Variants in PLIN4 observed in about 807,000 individuals in gnomAD.
PLIN4 encodes the protein perilipin 4.
In PLIN4, 57 loss-of-function variants were observed where a neutral mutation model predicts 52.4. The ratio of observed to expected loss-of-function variants is 1.09; its 90% CI spans 0.88 to 1.36. The LOEUF is 1.36. Among genes scored for constraint, PLIN4 ranks in the 40% most tolerant of loss-of-function variants. The pLI is 0.00. For missense variants in PLIN4, 1,757 were observed against 1,770.3 expected (o/e 0.99, Z 0.13); for synonymous variants, 826 against 785.4 (o/e 1.05, Z -0.86).
chr19:4,509,053 T>C (rs1976194628), intron 5 of PLIN4, 98 bp from the exon 6 acceptor site: 4 of 1,204,742 alleles, frequency 3.3e-6, no homozygotes, highest in African/African-American at 1.5e-5. Context: ...TTCCCGCCTG[T>C]GATCCCAGCA....
Position 4,504,107 on chromosome 19 carries a change from G to A in PLIN4, c.*352C>T, listed in dbSNP as rs1398677293. The A allele has an allele frequency of 1.3e-5, 3 of 229,424 alleles. No individual in the cohort carries two copies. Among genetic ancestry groups the A allele is most frequent in the African/African-American group, 4.5e-5 (2 of 44,110 alleles). The allele number at this position is 229,424 out of a possible 1,614,324, so 14.2% of individuals were successfully genotyped here. On this transcript the variant is annotated 3_prime_UTR_variant, in exon 8 of 8. Coordinates refer to ENST00000301286, the MANE Select transcript of PLIN4 (RefSeq NM_001367868.2). ...AAAAGGGTTGCTAGCGGGGCAAACA[G>A]ATGCCCTTCCAGGCTGGGCACGCTG... is the stretch of plus-strand genomic sequence containing the variant.
In PLIN4 at chr19:4,511,712, C is replaced by T. The variant is rs1347051713; in HGVS notation, c.2248G>A (p.Gly750Arg). ...AANVAKGAIQGGLDTTKSVLT... is the reference protein window; with the variant it reads ...AANVAKGAIQRGLDTTKSVLT... The stretch of plus-strand genomic sequence containing the variant: ...ACAGACTTTGTAGTGTCCAGGCCCC[C>T]TTGGATGGCCCCTTTGGCCACATTC... Residue 750 changes from glycine to arginine, a missense_variant, in exon 5 of 8, where the codon GGG becomes AGG. Physicochemically the swap from Gly to Arg is moderately radical, Grantham distance 125 (BLOSUM62 -2). Transcript: ENST00000301286. The T allele has an allele frequency of 2.2e-4, 112 of 501,304 alleles. 17 individuals are homozygous for T. The highest frequency in any genetic ancestry group is 9.2e-4 in the East Asian group (12 of 13,056). The allele number at this position is 501,304 out of a possible 1,614,324, so 31.1% of individuals were successfully genotyped here. A position where few individuals can be genotyped will look rare whatever the true frequency, so the allele number is the denominator to read the frequency against.
chr19:4,516,190 G>A (rs1976577235), intron 4 of PLIN4, among the ~76,000 whole-genome samples: 1 of 152,226 alleles, frequency 6.6e-6, no homozygotes, highest in Non-Finnish European at 1.5e-5. Flanking sequence ...TGAGGCAGGA[G>A]AATCGCTTGA....
chr19:4,516,542 G>A, intron 4 of PLIN4, 75 bp downstream of exon 4: 1 of 1,500,514 alleles, frequency 6.7e-7, no homozygotes, highest in Non-Finnish European at 9.0e-7. Flanking sequence ...CCAGATAGCA[G>A]GAACTGAAAT....
chr19:4,508,151 T>G (rs1310129735), intron 6 of PLIN4, among the ~76,000 whole-genome samples: 1 of 152,162 alleles, frequency 6.6e-6, no homozygotes, highest in East Asian at 1.9e-4. Context: ...TTGGGGGCTT[T>G]GCAGAGCTGT....
intron 4 of PLIN4, 78 bp downstream of exon 4, chr19:4,516,539 G>A: frequency 2.7e-6 from 4 of 1,490,640 alleles, no homozygotes; most frequent in Non-Finnish European, 3.6e-6. Flanking sequence ...CCCCCAGATA[G>A]CAGGAACTGA....
At chr19:4,516,382 T>C (rs1018484161) in intron 4 of PLIN4, among the ~76,000 whole-genome samples, 13 of 151,118 alleles carry the variant, frequency 8.6e-5, no homozygotes, top group Middle Eastern at 3.5e-3. Context: ...GTGATTAGAG[T>C]GGGGTAGCAC....
At chr19:4,507,674 G>C (rs1256430595) in intron 6 of PLIN4, among the ~76,000 whole-genome samples, 1 of 152,158 alleles carries the variant, frequency 6.6e-6, no homozygotes, top group Admixed American at 6.5e-5. Context: ...GGGTGGCAGA[G>C]CAAGACCCTG....
At position 4,518,228 on chromosome 19, in the gene PLIN4, C is replaced by T; in HGVS notation, c.45G>A (p.Lys15=). ...DEGRRDPPKP[K]GKTLGSFFGS... The stretch of plus-strand genomic sequence containing the variant: ...CCCCATTTCCCCTCTTTACCTTGCC[C>T]TTCGGTTTGGGGGGATCCCGTCTCC... Residue 15 remains lysine (K), a synonymous_variant, in exon 2 of 8, where the codon AAG becomes AAA. Transcript: ENST00000301286. The T allele has an allele frequency of 8.1e-7, 1 of 1,233,194 alleles. No individual in the cohort carries two copies. 76.4% of individuals were successfully genotyped at this position (1,233,194 alleles called of 1,614,324 possible).
chr19:4,510,122 C>CT (rs1397116654), intron 5 of PLIN4, among the ~76,000 whole-genome samples: 5 of 152,166 alleles, frequency 3.3e-5, no homozygotes, highest in African/African-American at 1.2e-4. Context: ...AATCTCAGCA[C>CT]TTGGGAAGCT....
In PLIN4 at chr19:4,511,930, A is replaced by T; in HGVS notation, c.2030T>A (p.Val677Glu). The T allele has an allele frequency of 6.3e-7, 1 of 1,597,820 alleles. No individual in the cohort carries two copies. The highest frequency in any genetic ancestry group is 8.6e-7 in the Non-Finnish European group (1 of 1,169,192). The change falls in exon 5 of 8, where the codon GTG becomes GAG. Residue 677 changes from valine to glutamate, a missense_variant. Val to Glu is a moderately radical substitution (Grantham distance 121, BLOSUM62 -2). Transcript: ENST00000301286. ...FGSGVTSAVN[V>E]AKGAAQTGVD... is the part of the protein sequence containing the mutation. ...ACCTGTCTGGGCAGCCCCTTTGGCC[A>T]CATTCACAGCACTGGTCACCCCACT...
At chr19:4,508,108 G>A (rs556386804) in intron 6 of PLIN4, among the ~76,000 whole-genome samples, 1 of 152,128 alleles carries the variant, frequency 6.6e-6, no homozygotes, top group South Asian at 2.1e-4. Context: ...CACCCAGCTT[G>A]CTCCCCGGTA....
chr19:4,509,032 G>GGGCGC (rs1976193133), intron 5 of PLIN4, 77 bp from the exon 6 acceptor site: 1 of 1,400,306 alleles, frequency 7.1e-7, no homozygotes, highest in Non-Finnish European at 9.5e-7. Flanking sequence ...AGTGAGGGCC[G>GGGCGC]GGCGCGGCGG....
At chr19:4,509,414 C>T (rs563224703) in intron 5 of PLIN4, among the ~76,000 whole-genome samples, 17 of 150,420 alleles carry the variant, frequency 1.1e-4, no homozygotes, top group Admixed American at 9.4e-4. Flanking sequence ...ATCAGGAGCT[C>T]GAGACCAGCC....
At position 4,516,657 on chromosome 19, in the gene PLIN4, G is replaced by A. The variant is rs759809260; in HGVS notation, c.218C>T (p.Thr73Met). 13 of 1,600,990 alleles carry A rather than the reference G, an allele frequency of 8.1e-6. No homozygotes were observed. The highest frequency in any genetic ancestry group is 3.4e-5 in the Admixed American group (2 of 58,404). Residue 73 changes from threonine (T) to methionine (M), a missense_variant, in exon 4 of 8, where the codon ACG becomes ATG. Thr to Met is a moderately conservative substitution (Grantham distance 81, BLOSUM62 -1). This residue lies in a region of PLIN4 where 332 missense variants were observed against 310.8 expected (regional missense o/e 1.07). Transcript: ENST00000301286. The stretch of plus-strand genomic sequence containing the variant: ...CAGCTCCTTCTCCGTCCATGGGGCC[G>A]TCTGCTCTGGGTGGGCAGCCACTGT... ...QAQVAAHPEQ[T>M]APWTEKELQP...
rs1309331384 is a variant in PLIN4 at position 4,504,431 on chromosome 19, C to T, written c.*28G>A. The T allele has an allele frequency of 6.6e-7, 1 of 1,505,436 alleles. No homozygotes were observed. Among genetic ancestry groups the T allele is most frequent in the South Asian group, 1.3e-5 (1 of 78,344 alleles). 93.3% of individuals were successfully genotyped at this position (1,505,436 alleles called of 1,614,324 possible). A position where few individuals can be genotyped will look rare whatever the true frequency, so the allele number is the denominator to read the frequency against. On this transcript the variant is annotated 3_prime_UTR_variant, in exon 8 of 8. Coordinates refer to ENST00000301286, the MANE Select transcript of PLIN4 (RefSeq NM_001367868.2). ...TCCTCCCTGGACAGAGCAGGGCGACCCCGCGCCGGGCCTGCAGGCTCCTAC... is the reference window on the plus strand; with the variant it reads ...TCCTCCCTGGACAGAGCAGGGCGACTCCGCGCCGGGCCTGCAGGCTCCTAC...
intron 5 of PLIN4, among the ~76,000 whole-genome samples, chr19:4,509,267 A>C (rs4991028): frequency 0.15 from 19,481 of 131,560 alleles, 1,599 homozygotes; most frequent in Middle Eastern, 0.27. Flanking sequence ...GCCGAGATGG[A>C]GCCACTGCAC....
Position 4,512,672 on chromosome 19 carries a change from T to G in PLIN4, c.1288A>C (p.Thr430Pro), listed in dbSNP as rs73920830. The G allele has an allele frequency of 7.1e-6, 11 of 1,555,744 alleles. 1 individual carries two copies. Among genetic ancestry groups the G allele is most frequent in the Non-Finnish European group, 9.5e-6 (11 of 1,156,782 alleles). Reference sequence around the variant, plus strand: ...CTGCAGACGGTGTCCTTTGTACCTGTTGCGATATTTTGGGTTGTGTTCAGC... The same window carrying G: ...CTGCAGACGGTGTCCTTTGTACCTGGTGCGATATTTTGGGTTGTGTTCAGC... ...TGLNTTQNIA[T>P]GTKDTVCSGV... Residue 430 changes from threonine (T) to proline (P), a missense_variant, in exon 5 of 8, where the codon ACA (threonine) becomes CCA (proline). Coordinates refer to ENST00000301286, the MANE Select transcript of PLIN4 (RefSeq NM_001367868.2).
Position 4,513,551 on chromosome 19 carries a change from C to T in PLIN4, c.409G>A (p.Glu137Lys). ...CCTGTGACCCCGCTGGACACCACCTCCTTGGTGCCCGTAAGTGCAGACCGA... is the reference window on the plus strand; with the variant it reads ...CCTGTGACCCCGCTGGACACCACCTTCTTGGTGCCCGTAAGTGCAGACCGA... ...TTRSALTGTK[E>K]VVSSGVTGAM... Residue 137 changes from glutamate (E) to lysine (K), a missense_variant, in exon 5 of 8, where the codon GAG becomes AAG. Glu to Lys is a moderately conservative substitution (Grantham distance 56, BLOSUM62 1). Around this residue, in one of 7 missense-constraint regions of PLIN4, gnomAD observed 332 missense variants for 310.8 expected, o/e 1.07. Transcript: ENST00000301286. 1 of 1,608,504 alleles carries T rather than the reference C, an allele frequency of 6.2e-7. No individual in the cohort carries two copies. Among genetic ancestry groups the T allele is most frequent in the Non-Finnish European group, 8.5e-7 (1 of 1,177,608 alleles).
Sources: gnomAD v4.1 joint callset for allele counts (sites outside exome capture counted in the v4.1 genomes callset) on GRCh38, gnomAD v4.1.1 for gene constraint, gnomAD v4.1.1 regional missense constraint, MANE v1.5 for transcripts, NCBI Gene and HGNC (gene_info 2026-07-23, HGNC 2026-07-21) for gene names.